Variants in TTLL5 observed in about 807,000 individuals in gnomAD.
TTLL5 encodes the protein tubulin polyglutamylase TTLL5.
Under a neutral mutation model 168.4 loss-of-function variants are expected in TTLL5, and 132 were observed. The ratio of observed to expected loss-of-function variants is 0.78; its 90% confidence interval spans 0.68 to 0.91. TTLL5 has a LOEUF of 0.91. Among genes scored for constraint, TTLL5 ranks in the 40% least tolerant of loss-of-function variants. The pLI is 0.00. For missense variants in TTLL5, 1,545 were observed against 1,581.5 expected, an observed-to-expected ratio of 0.98 and a Z score of 0.39; for synonymous variants, 546 against 558.6, an observed-to-expected ratio of 0.98 and a Z score of 0.32.
intron 28 of TTLL5, among the ~76,000 whole-genome samples, chr14:75,843,781 G>A (rs1169805240): frequency 6.6e-6 from 1 of 152,030 alleles, no homozygotes; most frequent in Non-Finnish European, 1.5e-5. Flanking sequence ...TGAAATGGAA[G>A]CATCTCCTTT....
chr14:75,882,986 T>A lies in TTLL5; in HGVS notation c.3740+84T>A, dbSNP rs1320659132. On this transcript the variant is annotated intron_variant, in intron 30 of 31. Coordinates refer to ENST00000298832, the MANE Select transcript of TTLL5 (RefSeq NM_015072.5). ...CTTTATTTATTACTCTTCAAGACCG[T>A]TCGTACTGAAGTACTGGAAACAAGA... The A allele has an allele frequency of 2.8e-6, 4 of 1,405,706 alleles. No homozygotes were observed. The African/African-American group carries it at 5.8e-5, about 20-fold the overall frequency. 87.1% of individuals were successfully genotyped at this position (1,405,706 alleles called of 1,614,324 possible).
At chr14:75,890,712 T>G (rs909553336) in intron 30 of TTLL5, among the ~76,000 whole-genome samples, 3 of 152,104 alleles carry the variant, frequency 2.0e-5, no homozygotes, top group African/African-American at 7.2e-5. Context: ...TTCTGAAATC[T>G]TTTTTGTTTT....
At position 75,775,645 on chromosome 14, in the gene TTLL5, G is replaced by A; in HGVS notation, c.2283+15G>A. On this transcript the variant is annotated intron_variant, in intron 22 of 31. Transcript: ENST00000298832. ...TATACAACAAGGTAAGTCTTTTTCTGTTAGTCTTGTGCTTTGGATTGCCAT... is the reference window on the plus strand; with the variant it reads ...TATACAACAAGGTAAGTCTTTTTCTATTAGTCTTGTGCTTTGGATTGCCAT... 1 of 1,613,482 alleles carries A rather than the reference G, an allele frequency of 6.2e-7. No homozygotes were observed. Among genetic ancestry groups the A allele is most frequent in the Non-Finnish European group, 8.5e-7 (1 of 1,179,652 alleles).
chr14:75,912,013 C>T (rs555955196), intron 31 of TTLL5, among the ~76,000 whole-genome samples: 7 of 152,312 alleles, frequency 4.6e-5, no homozygotes, highest in African/African-American at 1.7e-4. Flanking sequence ...AAACCTGCAG[C>T]GTTGCTGAGA....
At chr14:75,709,881 A>G (rs929243486) in intron 9 of TTLL5, 1 of 147,500 alleles carries the variant, frequency 6.8e-6, no homozygotes, top group African/African-American at 2.5e-5. Context: ...TATTCCCTAT[A>G]TTATTTAAAA....
chr14:75,689,995 A>G, intron 5 of TTLL5, 197 bp from the exon 6 acceptor site: 1 of 527,952 alleles, frequency 1.9e-6, no homozygotes, highest in Non-Finnish European at 3.1e-6. Context: ...TTTTATCTTA[A>G]TGAAAAAATC....
At chr14:75,727,725 C>T (rs776027867) in intron 12 of TTLL5, 14 of 383,664 alleles carry the variant, frequency 3.6e-5, no homozygotes, top group Non-Finnish European at 7.4e-5. Flanking sequence ...GATGGATGAA[C>T]CTCAGAAACA....
intron 31 of TTLL5, among the ~76,000 whole-genome samples, chr14:75,922,004 C>T (rs1025940529): frequency 5.9e-5 from 9 of 152,120 alleles, no homozygotes; most frequent in East Asian, 3.9e-4. Context: ...AATGGGAGTT[C>T]GCTCATGATT....
At chr14:75,842,261 A>G (rs975641143) in intron 28 of TTLL5, among the ~76,000 whole-genome samples, 1 of 152,198 alleles carries the variant, frequency 6.6e-6, no homozygotes, top group African/African-American at 2.4e-5. Context: ...CCAGCATTAC[A>G]TACCATTGAC....
chr14:75,914,028 A>AT (rs1350177668), intron 31 of TTLL5, among the ~76,000 whole-genome samples: 16 of 117,100 alleles, frequency 1.4e-4, no homozygotes, highest in African/African-American at 7.2e-4. Context: ...AAAAAAAAAA[A>AT]AAAAAATATA....
chr14:75,661,610 A>C (rs1048882156), intron 1 of TTLL5: 5 of 152,426 alleles, frequency 3.3e-5, no homozygotes, highest in African/African-American at 1.2e-4. Context: ...TGAGAAGCAG[A>C]TTCCTTTCGG....
rs777648945 is a variant in TTLL5, at chr14:75,764,822, A to T, written c.1708+50A>T. The T allele has an allele frequency of 6.2e-6, 10 of 1,606,162 alleles. 1 individual carries two copies. In the South Asian group the frequency reaches 9.9e-5, roughly 16 times the overall value. On this transcript the variant is annotated intron_variant, in intron 19 of 31. Transcript: ENST00000298832. ...AACTCCCTTATCTGGATCCTGCCAG[A>T]CTGAGTTAACCAGCTGCTTACTCAG...
At chr14:75,725,476 C>A (rs554863437) in intron 12 of TTLL5, among the ~76,000 whole-genome samples, 1 of 152,264 alleles carries the variant, frequency 6.6e-6, no homozygotes, top group South Asian at 2.1e-4. Flanking sequence ...CTGGTTATTT[C>A]TTTTTAGTCT....
intron 31 of TTLL5, among the ~76,000 whole-genome samples, chr14:75,936,809 G>C (rs373226789): frequency 6.6e-6 from 1 of 152,170 alleles, no homozygotes; most frequent in Non-Finnish European, 1.5e-5. Context: ...TAATAGCTTG[G>C]TTGGAATAGA....
chr14:75,925,034 G>A (rs1245668333), intron 31 of TTLL5, among the ~76,000 whole-genome samples: 5 of 148,564 alleles, frequency 3.4e-5, no homozygotes, highest in South Asian at 4.3e-4. Context: ...CAGTAGGGGC[G>A]GCCGGGCAGA....
At chr14:75,906,740 GAGACTTAGT>G (rs1461824045) in intron 31 of TTLL5, 11 of 982,692 alleles carry the variant, frequency 1.1e-5, no homozygotes, top group Non-Finnish European at 1.1e-5. Flanking sequence ...ACTACAGCAA[GAGACTTAGT>G]GGCTACCAAA....
At chr14:75,878,455 A>T (rs1015247767) in intron 29 of TTLL5, among the ~76,000 whole-genome samples, 2 of 152,194 alleles carry the variant, frequency 1.3e-5, no homozygotes, top group Non-Finnish European at 2.9e-5. Flanking sequence ...AGGGAACATG[A>T]AAGGGCATAA....
chr14:75,776,639 T>G (rs1891739020), intron 22 of TTLL5, 108 bp from the exon 23 acceptor site: 6 of 709,382 alleles, frequency 8.5e-6, no homozygotes, highest in Non-Finnish European at 1.2e-5. Flanking sequence ...ATGTCTTTAC[T>G]ATAAGGACAG....
intron 18 of TTLL5, among the ~76,000 whole-genome samples, chr14:75,760,104 G>A (rs967754654): frequency 1.4e-4 from 21 of 151,990 alleles, no homozygotes; most frequent in Non-Finnish European, 7.4e-5. Context: ...AAAATCCTAA[G>A]GCATCTGTAA....
Sources: gnomAD v4.1 joint callset for allele counts (sites outside exome capture counted in the v4.1 genomes callset) on GRCh38, gnomAD v4.1.1 for gene constraint, MANE v1.5 for transcripts, NCBI Gene and HGNC (gene_info 2026-07-23, HGNC 2026-07-21) for gene names.